FERMT2: variants seen among roughly 807,000 people sequenced by gnomAD.
The protein encoded by FERMT2 is fermitin family homolog 2.
FERMT2 carries 15 observed loss-of-function variants against 82.7 expected under a neutral mutation model. The observed-to-expected ratio is 0.18, with a 90% confidence interval of 0.12 to 0.28. The LOEUF is 0.28. Among genes scored for constraint, FERMT2 ranks in the 10% least tolerant of loss-of-function variants. The pLI is 1.00. For missense variants in FERMT2, 645 were observed against 809.4 expected (o/e 0.80, Z 2.46); for synonymous variants, 274 against 271.5 (o/e 1.01, Z -0.09).
At chr14:52,917,234 A>G (rs1209149707) in intron 3 of FERMT2, among the ~76,000 whole-genome samples, 1 of 152,144 alleles carries the variant, frequency 6.6e-6, no homozygotes, top group South Asian at 2.1e-4. Context: ...TAATGGCAAT[A>G]ACATATACAG....
intron 10 of FERMT2, among the ~76,000 whole-genome samples, chr14:52,865,067 A>T (rs1260772610): frequency 2.0e-5 from 3 of 152,226 alleles, no homozygotes; most frequent in Non-Finnish European, 2.9e-5. Flanking sequence ...TCACGCCTGT[A>T]ATCTCAGCAC....
rs72688205 is a variant in FERMT2, at chr14:52,941,320, G to C, written c.157+9092C>G. On this transcript the variant is annotated intron_variant, in intron 2 of 14. Transcript: ENST00000341590. Reference sequence around the variant, plus strand: ...TGAGACGGTTACAAAGGAAACTTTTGGGAGTACTGTAAAAGTTTTCTATCT... The same window carrying C: ...TGAGACGGTTACAAAGGAAACTTTTCGGAGTACTGTAAAAGTTTTCTATCT... Among the ~76,000 whole-genome samples the C allele has an allele frequency of 1.3e-3, 196 of 152,248 alleles. 1 individual carries two copies. The highest frequency in any genetic ancestry group is 6.8e-3 in the Middle Eastern group (2 of 294).
chr14:52,906,911 T>C (rs1888041269), intron 3 of FERMT2, among the ~76,000 whole-genome samples: 1 of 112,958 alleles, frequency 8.9e-6, no homozygotes, highest in Non-Finnish European at 1.6e-5. Context: ...TCTGAAATTA[T>C]GCAAACCAGA....
At chr14:52,883,905 C>G (rs377348498) in intron 4 of FERMT2, among the ~76,000 whole-genome samples, 5 of 152,158 alleles carry the variant, frequency 3.3e-5, no homozygotes, top group African/African-American at 4.8e-5. Flanking sequence ...CTCCGCCTTC[C>G]GCTGTAATTG....
chr14:52,878,805 T>G (rs2140110922), intron 6 of FERMT2, 116 bp from the exon 7 acceptor site: 1 of 553,216 alleles, frequency 1.8e-6, no homozygotes, highest in East Asian at 3.2e-5. Context: ...GGGATCTTAA[T>G]TTACAAGCAA....
At chr14:52,861,800 G>A (rs1884957069) in intron 12 of FERMT2, 1 of 152,120 alleles carries the variant, frequency 6.6e-6, no homozygotes, top group Non-Finnish European at 1.5e-5. Context: ...TATAATTGAA[G>A]GGAATTAAAG....
At chr14:52,938,368 T>A (rs1002215246) in intron 2 of FERMT2, among the ~76,000 whole-genome samples, 1 of 152,242 alleles carries the variant, frequency 6.6e-6, no homozygotes, top group Non-Finnish European at 1.5e-5. Context: ...TTTATTGAGC[T>A]CTTAGTATAG....
At chr14:52,875,685 C>G (rs1323219474) in intron 7 of FERMT2, among the ~76,000 whole-genome samples, 1 of 151,740 alleles carries the variant, frequency 6.6e-6, no homozygotes, top group East Asian at 1.9e-4. Flanking sequence ...GTAATCTGCC[C>G]TGTGTCTATA....
chr14:52,888,110 T>G (rs1186563816), intron 4 of FERMT2, among the ~76,000 whole-genome samples: 8 of 152,210 alleles, frequency 5.3e-5, no homozygotes, highest in African/African-American at 1.9e-4. Flanking sequence ...TAAATTCATA[T>G]ATTTATTTTG....
intron 2 of FERMT2, among the ~76,000 whole-genome samples, chr14:52,933,671 T>C (rs949092887): frequency 6.2e-5 from 8 of 129,778 alleles, no homozygotes; most frequent in Admixed American, 9.5e-5. Flanking sequence ...GATCACGCCA[T>C]TGCACTCCAG....
Position 52,864,377 on chromosome 14 carries a change from GATGAAGTAAA to G in FERMT2, c.1602+14_1602+23del. 6.5e-7 allele frequency: 1 copy of G among 1,542,136 alleles called. No individual in the cohort carries two copies. The highest frequency in any genetic ancestry group is 9.0e-7 in the Non-Finnish European group (1 of 1,114,972). ...ATTATAAAAACAAACCAGCACAGTA[GATGAAGTAAA>G]ATGAAGTAAGTACCTGCTTGTTCTT... On this transcript the variant is annotated intron_variant, in intron 12 of 14. Coordinates refer to ENST00000341590, the MANE Select transcript of FERMT2 (RefSeq NM_006832.3).
At chr14:52,941,443 G>C (rs940782057) in intron 2 of FERMT2, among the ~76,000 whole-genome samples, 3 of 151,440 alleles carry the variant, frequency 2.0e-5, no homozygotes, top group Non-Finnish European at 4.4e-5. Context: ...CTGACACTAA[G>C]AAAAAAAATT....
At position 52,892,170 on chromosome 14, in the gene FERMT2, T is replaced by TTTG. The variant is rs1555368992; in HGVS notation, c.526+1122_526+1123insCAA. 5.6e-4 allele frequency among the ~76,000 whole-genome samples: 8 copies of TTTG among 14,248 alleles called. 1 individual carries two copies. The South Asian group carries it at 0.042, about 74-fold the overall frequency. 9.3% of individuals were successfully genotyped at this position (14,248 alleles called of 152,430 possible). ...GCAGAGAGAAGGCTGTTTTTTGTTT[T>TTTG]TTTTTTTTTTTTTTTTTGAGACGGA... On this transcript the variant is annotated intron_variant, in intron 4 of 14. Transcript: ENST00000341590.
chr14:52,919,389 A>G, intron 2 of FERMT2, 33 bp from the exon 3 acceptor site: 2 of 1,475,354 alleles, frequency 1.4e-6, no homozygotes, highest in Non-Finnish European at 1.9e-6. Flanking sequence ...AAATCACTTA[A>G]AAATCACCAA....
intron 3 of FERMT2, among the ~76,000 whole-genome samples, chr14:52,904,476 C>T (rs562355781): frequency 7.2e-5 from 11 of 152,078 alleles, no homozygotes; most frequent in African/African-American, 2.7e-4. Context: ...AAGGTCGCGC[C>T]ATTGCACTCC....
intron 2 of FERMT2, among the ~76,000 whole-genome samples, chr14:52,928,733 A>G (rs1889422455): frequency 6.6e-6 from 1 of 152,122 alleles, no homozygotes; most frequent in Non-Finnish European, 1.5e-5. Context: ...GTAGACAACC[A>G]TGGATTCTAC....
chr14:52,875,136 AC>A, intron 8 of FERMT2, 86 bp downstream of exon 8: 4 of 1,113,568 alleles, frequency 3.6e-6, no homozygotes, highest in Non-Finnish European at 5.2e-6. Context: ...TCTCTCCACC[AC>A]CCCCAAATAC....
rs1885960433 is a variant in FERMT2 at position 52,876,425 on chromosome 14, A to G, written c.964-1068T>C. On this transcript the variant is annotated intron_variant, in intron 7 of 14. Coordinates refer to ENST00000341590, the MANE Select transcript of FERMT2 (RefSeq NM_006832.3). ...GTCAAAAATACAGATCCTTAGGTTT[A>G]CTCCAGAGATCCTGATTCAGGAAGT... Among the ~76,000 whole-genome samples the G allele has an allele frequency of 2.0e-5, 3 of 152,180 alleles. No homozygotes were observed. In the South Asian group the frequency reaches 6.2e-4, roughly 32 times the overall value.
At chr14:52,950,356 C>T (rs1890570428) in intron 2 of FERMT2, 56 bp downstream of exon 2, 4 of 1,570,264 alleles carry the variant, frequency 2.5e-6, no homozygotes, top group Non-Finnish European at 3.5e-6. Context: ...AGCCTCTTTC[C>T]TCCCCCTACC....
Sources: allele counts gnomAD v4.1 joint callset (sites outside exome capture counted in the v4.1 genomes callset), GRCh38; gene constraint gnomAD v4.1.1; transcripts MANE v1.5; gene names NCBI Gene and HGNC (gene_info 2026-07-23, HGNC 2026-07-21).